Variants in TENM1 observed in about 807,000 individuals in gnomAD.
TENM1 encodes the protein teneurin transmembrane protein 1, also known as teneurin-1.
TENM1 carries 35 observed loss-of-function variants against 174.8 expected under a neutral mutation model. The ratio of observed to expected loss-of-function variants is 0.20; its 90% CI spans 0.15 to 0.27. TENM1 has a LOEUF of 0.27. Ranked by LOEUF, TENM1 falls within the 10% of genes least tolerant of loss-of-function variation. TENM1 has a pLI of 1.00. For missense variants in TENM1, 1,633 were observed against 2,130.1 expected (o/e 0.77, Z 4.59); for synonymous variants, 781 against 798.7 (o/e 0.98, Z 0.37).
At chrX:124,589,388 G>A (rs1304746311) in intron 11 of TENM1, among the ~76,000 whole-genome samples, 1 of 102,322 alleles carries the variant, frequency 9.8e-6, no homozygotes. Flanking sequence ...TGTTGTTGTT[G>A]TTGTATCTTT....
At chrX:124,751,212 G>C (rs1349025664) in intron 3 of TENM1, among the ~76,000 whole-genome samples, 1 of 111,209 alleles carries the variant, frequency 9.0e-6, no homozygotes, top group Non-Finnish European at 1.9e-5. Context: ...GAAATATTAT[G>C]TACCTAAAAA....
intron 3 of TENM1, among the ~76,000 whole-genome samples, chrX:124,825,094 T>G: frequency 9.2e-6 from 1 of 109,259 alleles, no homozygotes; most frequent in Non-Finnish European, 1.9e-5. Flanking sequence ...ATATTGATTT[T>G]GGATTGTATG....
chrX:124,866,808 A>G (rs978145087), intron 3 of TENM1, among the ~76,000 whole-genome samples: 1 of 111,744 alleles, frequency 8.9e-6, no homozygotes, highest in Admixed American at 9.5e-5. Flanking sequence ...GAAATGAAAA[A>G]GGACACGTTA....
chrX:124,879,430 T>C (rs1377310310), intron 3 of TENM1, among the ~76,000 whole-genome samples: 8 of 112,266 alleles, frequency 7.1e-5, no homozygotes, highest in Non-Finnish European at 7.5e-5. Context: ...CAGTTCCATG[T>C]TGCTGCAGAT....
the TENM1 span, among the ~76,000 whole-genome samples, chrX:125,060,505 C>T: frequency 5.4e-5 from 6 of 110,752 alleles, no homozygotes; most frequent in African/African-American, 2.0e-4. Context: ...ACACTTGAGA[C>T]ATAAGATAAA....
chrX:125,174,202 A>G, the TENM1 span, among the ~76,000 whole-genome samples: 51 of 111,572 alleles, frequency 4.6e-4, no homozygotes, highest in African/African-American at 1.6e-3. Flanking sequence ...CCAATTGTAC[A>G]TGTGTGGCAA....
intron 4 of TENM1, among the ~76,000 whole-genome samples, chrX:124,725,932 T>G (rs1235662187): frequency 3.6e-5 from 4 of 112,600 alleles, no homozygotes; most frequent in Non-Finnish European, 7.5e-5. Flanking sequence ...TTGCAGTGAA[T>G]GAAGTTGTTA....
chrX:124,653,865 T>TA, intron 6 of TENM1, 82 bp from the exon 10 acceptor site: 4 of 833,100 alleles, frequency 4.8e-6, no homozygotes, highest in Non-Finnish European at 6.9e-6. Context: ...CAAGAACAGA[T>TA]ATATCAAAAT....
chrX:124,919,173 C>A (rs1394565887), intron 1 of TENM1, among the ~76,000 whole-genome samples: 1 of 112,188 alleles, frequency 8.9e-6, no homozygotes, highest in Admixed American at 9.5e-5. Flanking sequence ...TCATTGAATG[C>A]CTTATAGTGG....
rs763056448 is a variant in TENM1, at chrX:124,460,098, G to A, written c.3950-6607C>T. ...AAATAACAGATGCTGGCAAGGTTGT[G>A]GAGTAAAAGGAATGCTTATACACTG... On this transcript the variant is annotated intron_variant, in intron 22 of 31. Transcript: ENST00000422452. Among the ~76,000 whole-genome samples, 11 of 111,837 alleles carry A rather than the reference G, an allele frequency of 9.8e-5. No individual in the cohort carries two copies. The South Asian group carries it at 3.8e-3, about 38-fold the overall frequency.
intron 6 of TENM1, among the ~76,000 whole-genome samples, chrX:124,662,861 T>C (rs181970094): frequency 7.3e-4 from 82 of 112,360 alleles, no homozygotes; most frequent in South Asian, 4.4e-3. Flanking sequence ...TATGTGTATG[T>C]ATGCATGTTT....
chrX:124,389,637 T>C (rs899193639), intron 28 of TENM1, among the ~76,000 whole-genome samples: 1 of 110,694 alleles, frequency 9.0e-6, no homozygotes, highest in East Asian at 2.8e-4. Flanking sequence ...CTTCCTTCCT[T>C]CTTCCCTCCC....
intron 25 of TENM1, chrX:124,412,102 T>C (rs1455122987): frequency 8.9e-6 from 1 of 112,421 alleles, no homozygotes; most frequent in Non-Finnish European, 1.9e-5. Context: ...TAAGAGGAGA[T>C]TTGTTATCAA....
the TENM1 span, among the ~76,000 whole-genome samples, chrX:125,052,969 T>C: frequency 8.9e-6 from 1 of 112,329 alleles, no homozygotes; most frequent in African/African-American, 3.2e-5. Flanking sequence ...GTACATATTG[T>C]GAAATGATTA....
chrX:124,827,789 A>G (rs765625665), intron 3 of TENM1, among the ~76,000 whole-genome samples: 2 of 112,372 alleles, frequency 1.8e-5, no homozygotes, highest in Admixed American at 1.9e-4. Flanking sequence ...AGAGCTTCAT[A>G]GCTTTACTGC....
intron 11 of TENM1, among the ~76,000 whole-genome samples, chrX:124,584,012 C>T (rs1873194762): frequency 9.1e-6 from 1 of 110,114 alleles, no homozygotes; most frequent in Non-Finnish European, 1.9e-5. Context: ...ACGAACAAAG[C>T]CTCCAAGAAA....
At chrX:124,709,875 TAAGCATTACA>T (rs1286129594) in intron 4 of TENM1, among the ~76,000 whole-genome samples, 2 of 111,278 alleles carry the variant, frequency 1.8e-5, no homozygotes, top group Non-Finnish European at 3.8e-5. Flanking sequence ...GATGAATGGG[TAAGCATTACA>T]AAGAAACTAC....
the TENM1 span, among the ~76,000 whole-genome samples, chrX:125,125,437 C>T: frequency 9.0e-6 from 1 of 111,625 alleles, no homozygotes; most frequent in Admixed American, 9.6e-5. Context: ...TAAAAATAAC[C>T]TCTCGCTACA....
chrX:124,657,503 C>G (rs1025336563), intron 6 of TENM1, among the ~76,000 whole-genome samples: 4 of 111,587 alleles, frequency 3.6e-5, no homozygotes, highest in Non-Finnish European at 7.5e-5. Context: ...GGCGGTATCA[C>G]CTAAATCAAG....
Sources: gnomAD v4.1 joint callset for allele counts (sites outside exome capture counted in the v4.1 genomes callset) on GRCh38, gnomAD v4.1.1 for gene constraint, MANE v1.5 for transcripts, NCBI Gene and HGNC (gene_info 2026-07-23, HGNC 2026-07-21) for gene names.